The following PCDHGA8 variants were observed in gnomAD, a reference collection of about 807,000 sequenced individuals.
PCDHGA8 encodes protocadherin gamma subfamily A, 8.
Under a neutral mutation model 59.2 loss-of-function variants are expected in PCDHGA8, and 45 were observed. The ratio of observed to expected loss-of-function variants is 0.76; its 90% CI spans 0.60 to 0.98. The LOEUF (loss-of-function observed/expected upper bound fraction) is 0.98. Among genes scored for constraint, PCDHGA8 ranks in the 50% least tolerant of loss-of-function variants. PCDHGA8 has a pLI of 0.00. For synonymous variants in PCDHGA8, 531 were observed against 519.0 expected (o/e 1.02, Z -0.32); for missense variants, 1,257 against 1,196.2 (o/e 1.05, Z -0.75).
At chr5:141,414,677 AG>A in intron 1 of PCDHGA8, 1 of 1,613,794 alleles carries the variant, frequency 6.2e-7, no homozygotes, top group Non-Finnish European at 8.5e-7. Context: ...GACACCATCC[AG>A]GGGGTACCTC....
chr5:141,469,677 T>C (rs1271778909), intron 1 of PCDHGA8, among the ~76,000 whole-genome samples: 1 of 152,246 alleles, frequency 6.6e-6, no homozygotes, highest in African/African-American at 2.4e-5. Context: ...TAAAACTACA[T>C]ATGCATTGGT....
chr5:141,490,833 G>C lies in PCDHGA8; in HGVS notation c.2425-3974G>C, dbSNP rs781529579. ...ACTATGAATTGCTGCAGATGCTGCA[G>C]ATTGTGGTGGGGGTTCGAGACTCCG... On this transcript the variant is annotated intron_variant, in intron 1 of 3. Coordinates refer to ENST00000398604, the MANE Select transcript of PCDHGA8 (RefSeq NM_032088.2). This position sits in a 1 kb window ranked among gnomAD's most constrained non-coding sequence, Gnocchi z 5.4. The C allele has an allele frequency of 6.2e-7, 1 of 1,613,932 alleles. No homozygotes were observed. Among genetic ancestry groups the C allele is most frequent in the East Asian group, 2.2e-5 (1 of 44,884 alleles).
chr5:141,411,573 GA>G (rs2095500797), intron 1 of PCDHGA8: 1 of 152,244 alleles, frequency 6.6e-6, no homozygotes, highest in Middle Eastern at 3.4e-3. Flanking sequence ...GACAGAGTGC[GA>G]CCCTGTCTCT....
Position 141,476,543 on chromosome 5 carries a change from G to A in PCDHGA8, c.2425-18264G>A, listed in dbSNP as rs1419273574. 1 of 1,614,220 alleles carries A rather than the reference G, an allele frequency of 6.2e-7. No individual in the cohort carries two copies. Among genetic ancestry groups the A allele is most frequent in the South Asian group, 1.1e-5 (1 of 91,084 alleles). On this transcript the variant is annotated intron_variant, in intron 1 of 3. Transcript: ENST00000398604. The surrounding 1 kb of genome is among the most constrained non-coding windows in gnomAD (Gnocchi z 7.6). ...TTTCCCTACCCAGGAAATGAAATTG[G>A]AGATTAGCGAGGCCGTGGCTCCGGG...
At chr5:141,417,941 A>T (rs1319967892) in intron 1 of PCDHGA8, 1 of 1,612,890 alleles carries the variant, frequency 6.2e-7, no homozygotes, top group South Asian at 1.1e-5. Context: ...GTTCTACCCC[A>T]CGCTGTGTGA....
intron 1 of PCDHGA8, chr5:141,478,265 G>A: frequency 6.2e-7 from 1 of 1,614,196 alleles, no homozygotes; most frequent in African/African-American, 1.3e-5. Context: ...CATATTCAAA[G>A]TTTACAAGTG....
At chr5:141,484,891 C>T in intron 1 of PCDHGA8, 1 of 361,788 alleles carries the variant, frequency 2.8e-6, no homozygotes, top group Non-Finnish European at 5.0e-6. Context: ...GGGCTTTTTC[C>T]CCTCCAATGC....
intron 1 of PCDHGA8, among the ~76,000 whole-genome samples, chr5:141,484,645 T>C (rs948669787): frequency 1.3e-5 from 2 of 151,970 alleles, no homozygotes; most frequent in Admixed American, 6.6e-5. Context: ...CACTCTCCAA[T>C]GGCTACTCTC....
chr5:141,416,109 A>C (rs1365438751), intron 1 of PCDHGA8: 5 of 157,286 alleles, frequency 3.2e-5, no homozygotes, highest in African/African-American at 1.2e-4. Context: ...GCCTTTTTCA[A>C]ACTACATTTT....
chr5:141,481,724 C>T (rs1301509633), intron 1 of PCDHGA8, among the ~76,000 whole-genome samples: 2 of 151,882 alleles, frequency 1.3e-5, no homozygotes. Context: ...GAGGCGGAGG[C>T]GGGCGGATCA....
intron 1 of PCDHGA8, among the ~76,000 whole-genome samples, chr5:141,447,787 T>C (rs1025269338): frequency 1.3e-5 from 2 of 152,106 alleles, no homozygotes; most frequent in Non-Finnish European, 2.9e-5. Context: ...TGAAAATAAA[T>C]TTAAGAAAAT....
At chr5:141,460,993 A>T (rs1230217075) in intron 1 of PCDHGA8, among the ~76,000 whole-genome samples, 1 of 143,898 alleles carries the variant, frequency 6.9e-6, no homozygotes, top group South Asian at 2.2e-4. Flanking sequence ...GTATATATAT[A>T]TATGTGTATA....
chr5:141,453,791 A>G (rs979646024), intron 1 of PCDHGA8, among the ~76,000 whole-genome samples: 2 of 152,268 alleles, frequency 1.3e-5, no homozygotes, highest in African/African-American at 2.4e-5. Context: ...ATGGTATATT[A>G]ACTTTGAGTA....
intron 2 of PCDHGA8, among the ~76,000 whole-genome samples, chr5:141,497,540 C>A (rs866982821): frequency 7.4e-6 from 1 of 134,944 alleles, no homozygotes; most frequent in African/African-American, 2.8e-5. Context: ...TGCAACAAAC[C>A]TTTTTTTTTT....
intron 1 of PCDHGA8, chr5:141,441,857 ACGCCGC>A (rs2098279969): frequency 2.8e-6 from 1 of 352,664 alleles, no homozygotes; most frequent in Non-Finnish European, 5.6e-6. Flanking sequence ...ATGGTGCTGC[ACGCCGC>A]GGAGCCTGGC....
intron 1 of PCDHGA8, chr5:141,440,087 A>C (rs1014881024): frequency 6.6e-6 from 1 of 152,316 alleles, no homozygotes; most frequent in African/African-American, 2.4e-5. Context: ...CTTCATTCTA[A>C]GTGGGGAAAG....
At chr5:141,436,305 T>C (rs2097810667) in intron 1 of PCDHGA8, among the ~76,000 whole-genome samples, 1 of 152,184 alleles carries the variant, frequency 6.6e-6, no homozygotes. Flanking sequence ...AGTTAGAGCA[T>C]GAATAGTCAA....
chr5:141,419,075 A>C (rs2096322774), intron 1 of PCDHGA8: 3 of 1,613,968 alleles, frequency 1.9e-6, no homozygotes, highest in South Asian at 1.1e-5. Flanking sequence ...CAAGCTAGTA[A>C]CAGATGAGGC....
At chr5:141,400,294 T>TTGCC (rs1347415154) in intron 1 of PCDHGA8, 1 of 1,614,070 alleles carries the variant, frequency 6.2e-7, no homozygotes, top group African/African-American at 1.3e-5. Context: ...CTGGAGCTGC[T>TTGCC]TCCAACCTGG....
Sources: gnomAD v4.1 joint callset for allele counts (sites outside exome capture counted in the v4.1 genomes callset) on GRCh38, gnomAD v4.1.1 for gene constraint, Gnocchi (gnomAD v3.1) non-coding constraint, MANE v1.5 for transcripts, NCBI Gene and HGNC (gene_info 2026-07-23, HGNC 2026-07-21) for gene names.